RRP12: variants seen among roughly 807,000 people sequenced by gnomAD.
RRP12 encodes the protein RRP12-like protein.
Under a neutral mutation model 157.3 loss-of-function variants are expected in RRP12, and 78 were observed. That is an observed-to-expected ratio of 0.50 (90% CI 0.41 to 0.60). The LOEUF (loss-of-function observed/expected upper bound fraction) is 0.60. RRP12 is among the 20% of genes least tolerant of loss of function. The pLI is 0.00. For synonymous variants in RRP12, 726 were observed against 670.9 expected, an observed-to-expected ratio of 1.08 and a Z score of -1.27; for missense variants, 1,521 against 1,679.9, an observed-to-expected ratio of 0.91 and a Z score of 1.65.
At chr10:97,400,619 G>T in intron 1 of RRP12, 85 bp from the exon 2 acceptor site, 3 of 1,087,248 alleles carry the variant, frequency 2.8e-6, no homozygotes, top group Non-Finnish European at 2.7e-6. Flanking sequence ...ACCAGCCCAG[G>T]CCAAATCTCC....
intron 10 of RRP12, among the ~76,000 whole-genome samples, chr10:97,382,883 T>A (rs559658186): frequency 4.9e-4 from 75 of 152,176 alleles, no homozygotes; most frequent in African/African-American, 1.8e-3. Context: ...TGCCTCAGCC[T>A]CCCAAGTAGC....
chr10:97,372,937 C>T (rs1564754643), intron 18 of RRP12, 109 bp downstream of exon 18: 1 of 1,460,382 alleles, frequency 6.8e-7, no homozygotes, highest in Non-Finnish European at 9.4e-7. Flanking sequence ...GGTATGTGCT[C>T]CAAAACACAG....
chr10:97,366,692 G>T lies in RRP12; in HGVS notation c.3215+50C>A, dbSNP rs748317724. 22 of 1,600,886 alleles carry T rather than the reference G, an allele frequency of 1.4e-5. No individual in the cohort carries two copies. In the Admixed American group the frequency reaches 3.7e-4, roughly 27 times the overall value. On this transcript the variant is annotated intron_variant, in intron 27 of 33. Coordinates refer to ENST00000370992, the MANE Select transcript of RRP12 (RefSeq NM_015179.4). Reference sequence around the variant, plus strand: ...GGGTCAGCGGGTATTGCCTGGGCAGGCCCTTGGGTTGGGGGGACACCGGGT... The same window carrying T: ...GGGTCAGCGGGTATTGCCTGGGCAGTCCCTTGGGTTGGGGGGACACCGGGT...
At position 97,357,268 on chromosome 10, in the gene RRP12, G is replaced by A. The variant is rs745689664; in HGVS notation, c.3792-72C>T. ...GGCCCCCTCCTGTTGCCAAATGATG[G>A]CTCACCCCCAGCGCCAGCAGGGATG... On this transcript the variant is annotated intron_variant, in intron 33 of 33. Coordinates refer to ENST00000370992, the MANE Select transcript of RRP12 (RefSeq NM_015179.4). The A allele has an allele frequency of 5.2e-6, 5 of 965,014 alleles. No homozygotes were observed. In the African/African-American group the frequency reaches 6.6e-5, roughly 13 times the overall value. The allele number at this position is 965,014 out of a possible 1,614,324, so 59.8% of individuals were successfully genotyped here.
intron 10 of RRP12, among the ~76,000 whole-genome samples, chr10:97,382,032 CTT>C (rs1844482575): frequency 1.3e-5 from 2 of 152,206 alleles, no homozygotes; most frequent in African/African-American, 2.4e-5. Context: ...TCAAACAGGT[CTT>C]CAAGGTGTAA....
Position 97,390,858 on chromosome 10 carries a change from C to G in RRP12, c.531-14G>C, listed in dbSNP as rs777380582. 1 of 1,543,694 alleles carries G rather than the reference C, an allele frequency of 6.5e-7. No individual in the cohort carries two copies. The highest frequency in any genetic ancestry group is 9.0e-7 in the Non-Finnish European group (1 of 1,115,904). ...GGGCTGGGAACACTGTGGGAAAGAACAGAGATGGTCACCCCAGAGGGTCCC... is the reference window on the plus strand; with the variant it reads ...GGGCTGGGAACACTGTGGGAAAGAAGAGAGATGGTCACCCCAGAGGGTCCC... On this transcript the variant is annotated splice_polypyrimidine_tract_variant and intron_variant, in intron 4 of 33. Transcript: ENST00000370992.
Position 97,388,267 on chromosome 10 carries a change from C to A in RRP12, c.1002G>T (p.Met334Ile). The A allele has an allele frequency of 6.2e-7, 1 of 1,614,066 alleles. No homozygotes were observed. The highest frequency in any genetic ancestry group is 1.1e-5 in the South Asian group (1 of 91,052). The change falls in exon 8 of 34, where the codon ATG becomes ATT. Residue 334 changes from methionine to isoleucine, a missense_variant. By Grantham distance (10) the Met-to-Ile change is conservative. Coordinates refer to ENST00000370992, the MANE Select transcript of RRP12 (RefSeq NM_015179.4). ...KSCSETLLRVMTLSHVLVTAC... is the reference protein window; with the variant it reads ...KSCSETLLRVITLSHVLVTAC... Reference sequence around the variant, plus strand: ...CTGAGCTCACCACATGGCTCAAGGTCATGACCCTGAGGAGAGTCTCACTGC... The same window carrying A: ...CTGAGCTCACCACATGGCTCAAGGTAATGACCCTGAGGAGAGTCTCACTGC...
intron 6 of RRP12, 32 bp downstream of exon 6, chr10:97,390,391 T>C: frequency 6.5e-7 from 1 of 1,538,440 alleles, no homozygotes. Flanking sequence ...GCTGTCCCCT[T>C]GCCCCATTTT....
chr10:97,359,102 G>A, intron 31 of RRP12, 92 bp from the exon 32 acceptor site: 2 of 933,446 alleles, frequency 2.1e-6, no homozygotes, highest in Non-Finnish European at 3.3e-6. Context: ...GAGCTGCAAG[G>A]GAGCAGATGA....
At chr10:97,401,001 G>T in intron 1 of RRP12, 92 bp downstream of exon 1, 1 of 1,467,592 alleles carries the variant, frequency 6.8e-7, no homozygotes. Context: ...CCAATGCCTG[G>T]CCCCGCACTC....
In RRP12 at chr10:97,381,834, G is replaced by C; in HGVS notation, c.1209-8C>G. The stretch of plus-strand genomic sequence containing the variant: ...CCCAGGTCCCACTGCAACCTGTCAA[G>C]ACAAAAGGTTTCTGTGGGGCCTGGC... On this transcript the variant is annotated splice_polypyrimidine_tract_variant and splice_region_variant and intron_variant, in intron 10 of 33. Transcript: ENST00000370992. The C allele has an allele frequency of 1.9e-6, 3 of 1,610,022 alleles. No homozygotes were observed. The highest frequency in any genetic ancestry group is 8.5e-7 in the Non-Finnish European group (1 of 1,176,454).
intron 2 of RRP12, 122 bp from the exon 3 acceptor site, chr10:97,396,423 C>G: frequency 1.3e-6 from 1 of 767,954 alleles, no homozygotes; most frequent in Non-Finnish European, 2.3e-6. Flanking sequence ...ACAAGACAGG[C>G]AACATTCAGG....
intron 15 of RRP12, among the ~76,000 whole-genome samples, chr10:97,375,193 A>C (rs537418278): frequency 6.6e-6 from 1 of 152,000 alleles, no homozygotes; most frequent in Non-Finnish European, 1.5e-5. Context: ...TTCTGGGCTC[A>C]AGAAATCCTC....
intron 30 of RRP12, among the ~76,000 whole-genome samples, chr10:97,361,293 G>A (rs2134997700): frequency 6.6e-6 from 1 of 152,362 alleles, no homozygotes; most frequent in South Asian, 2.1e-4. Flanking sequence ...CAGTCCAAGG[G>A]AAGGAGGGAG....
chr10:97,385,696 C>T (rs1386515490), intron 9 of RRP12, among the ~76,000 whole-genome samples, 199 bp downstream of exon 9: 1 of 152,178 alleles, frequency 6.6e-6, no homozygotes, highest in Non-Finnish European at 1.5e-5. Context: ...GGGTCAAGGT[C>T]CCAGCTCCTG....
chr10:97,368,009 G>A (rs1463191825), intron 25 of RRP12, among the ~76,000 whole-genome samples: 1 of 150,724 alleles, frequency 6.6e-6, no homozygotes, highest in Admixed American at 6.6e-5. Context: ...TGGGATTACA[G>A]GTGTGAGCCA....
In RRP12 at chr10:97,385,170, C is replaced by T. The variant is rs1195640268; in HGVS notation, c.1204G>A (p.Val402Met). The T allele has an allele frequency of 6.2e-7, 1 of 1,612,412 alleles. No homozygotes were observed. The highest frequency in any genetic ancestry group is 1.7e-5 in the Admixed American group (1 of 59,978). Reference protein sequence around the residue: ...KVMEKAHINLVRLQWDLGLGH... With the variant: ...KVMEKAHINLMRLQWDLGLGH... ...GCACCCCTCCTTCATCCGTACCTCA[C>T]CAGGTTGATGTGGGCTTTCTCCATG... Residue 402 changes from valine (V) to methionine (M), a missense_variant, in exon 10 of 34, where the codon GTG becomes ATG. Transcript: ENST00000370992.
intron 2 of RRP12, among the ~76,000 whole-genome samples, chr10:97,397,823 G>C (rs1230820871): frequency 4.0e-5 from 6 of 150,198 alleles, no homozygotes; most frequent in Admixed American, 1.3e-4. Context: ...GCTTGGTATG[G>C]TAGCACTCCC....
intron 14 of RRP12, 73 bp from the exon 15 acceptor site, chr10:97,379,487 C>T: frequency 6.2e-7 from 1 of 1,603,656 alleles, no homozygotes; most frequent in East Asian, 2.2e-5. Flanking sequence ...CATACTGAGC[C>T]CAGGACAGAG....
Sources: allele counts gnomAD v4.1 joint callset (sites outside exome capture counted in the v4.1 genomes callset), GRCh38; gene constraint gnomAD v4.1.1; transcripts MANE v1.5; gene names NCBI Gene and HGNC (gene_info 2026-07-23, HGNC 2026-07-21).